Variants in TLL1 observed in about 807,000 individuals in gnomAD.
TLL1 encodes tolloid like 1.
Under a neutral mutation model 128.2 loss-of-function variants are expected in TLL1, and 49 were observed. That is an observed-to-expected ratio of 0.38 (90% CI 0.30 to 0.48). The LOEUF is 0.48. Among genes scored for constraint, TLL1 ranks in the 20% least tolerant of loss-of-function variants. The pLI, the probability that TLL1 is intolerant of heterozygous loss-of-function variation, is 0.96. For missense variants in TLL1, 1,123 were observed against 1,242.0 expected, an observed-to-expected ratio of 0.90 and a Z score of 1.44; for synonymous variants, 454 against 418.8, an observed-to-expected ratio of 1.08 and a Z score of -1.03.
rs542847434 is a variant in TLL1, at chr4:166,102,781, A to G, written c.*1905A>G. On this transcript the variant is annotated 3_prime_UTR_variant, in exon 21 of 21. Transcript: ENST00000061240. Reference sequence around the variant, plus strand: ...AAATGTAAATACATTTTTATAACCAATGTTTTGATCTTATTGAATGTTACT... The same window carrying G: ...AAATGTAAATACATTTTTATAACCAGTGTTTTGATCTTATTGAATGTTACT... The G allele has an allele frequency of 5.6e-4, 85 of 151,988 alleles. No individual in the cohort carries two copies. The highest frequency in any genetic ancestry group is 1.9e-3 in the African/African-American group (79 of 41,536). The allele number at this position is 151,988 out of a possible 1,614,324, so 9.4% of individuals were successfully genotyped here. A position where few individuals can be genotyped will look rare whatever the true frequency, so the allele number is the denominator to read the frequency against.
Position 166,091,134 on chromosome 4 carries a change from A to G in TLL1, c.2449A>G (p.Ser817Gly), listed in dbSNP as rs145928270. 160 of 1,611,594 alleles carry G rather than the reference A, an allele frequency of 9.9e-5. No homozygotes were observed. The African/African-American group carries it at 1.8e-3, about 18-fold the overall frequency. Residue 817 changes from serine to glycine, a missense_variant, in exon 19 of 21, where the codon AGT becomes GGT. By Grantham distance (56) the Ser-to-Gly change is moderately conservative. Coordinates refer to ENST00000061240, the MANE Select transcript of TLL1 (RefSeq NM_012464.5). ...TPGHRIKLAF[S>G]EFEIEQHQEC... ...TTTCTTCTTTTTAAAAAAGGCCTTT[A>G]GTGAATTTGAGATTGAGCAGCATCA... is the stretch of plus-strand genomic sequence containing the variant.
chr4:165,893,457 G>T (rs1731509871), intron 1 of TLL1, among the ~76,000 whole-genome samples: 1 of 152,210 alleles, frequency 6.6e-6, no homozygotes, highest in Non-Finnish European at 1.5e-5. Context: ...AAGAGGTGGA[G>T]CTGGGAATTC....
chr4:165,933,693 A>C (rs1733635090), intron 1 of TLL1, among the ~76,000 whole-genome samples: 1 of 152,088 alleles, frequency 6.6e-6, no homozygotes, highest in Non-Finnish European at 1.5e-5. Context: ...CTTACCTAGA[A>C]TAGCAGCCCT....
chr4:166,020,238 A>C (rs1738157936), intron 8 of TLL1, among the ~76,000 whole-genome samples: 1 of 152,200 alleles, frequency 6.6e-6, no homozygotes, highest in Non-Finnish European at 1.5e-5. Flanking sequence ...CTTTGTCTTT[A>C]TGATGGTTTC....
chr4:165,988,586 G>C (rs1383746372), intron 1 of TLL1, among the ~76,000 whole-genome samples: 1 of 151,996 alleles, frequency 6.6e-6, no homozygotes, highest in Non-Finnish European at 1.5e-5. Flanking sequence ...AGTGAGCCGT[G>C]ATCGCACCAC....
At chr4:166,057,441 A>G (rs1439276436) in intron 14 of TLL1, 132 bp downstream of exon 14, 6 of 1,335,398 alleles carry the variant, frequency 4.5e-6, no homozygotes, top group African/African-American at 1.5e-5. Flanking sequence ...GTAAGACTCA[A>G]TTCACAGTCA....
chr4:166,052,520 C>T (rs1739791355), intron 12 of TLL1, among the ~76,000 whole-genome samples: 1 of 152,176 alleles, frequency 6.6e-6, no homozygotes, highest in African/African-American at 2.4e-5. Context: ...TGGTCTTGAA[C>T]TCCTGACCAT....
chr4:166,053,652 T>G (rs1225504161), intron 12 of TLL1, among the ~76,000 whole-genome samples: 1 of 152,196 alleles, frequency 6.6e-6, no homozygotes, highest in East Asian at 1.9e-4. Context: ...GAAAACATAT[T>G]TTTCTACCAA....
rs35799879 is a variant in TLL1 at position 166,031,363 on chromosome 4, C to CTTTTTT, written c.1158+5950_1158+5955dup. Among the ~76,000 whole-genome samples the CTTTTTT allele has an allele frequency of 6.8e-4, 70 of 102,280 alleles. 1 individual carries two copies. Among genetic ancestry groups the CTTTTTT allele is most frequent in the Middle Eastern group, 0.012 (2 of 170 alleles). 67.1% of individuals were successfully genotyped at this position (102,280 alleles called of 152,430 possible). A position where few individuals can be genotyped will look rare whatever the true frequency, so the allele number is the denominator to read the frequency against. On this transcript the variant is annotated intron_variant, in intron 9 of 20. Transcript: ENST00000061240. ...TTATAAATTATGGCGATTGCAAGGT[C>CTTTTTT]TTTTTTTTTTTTTTTTTTTTTTTGA...
chr4:165,965,003 T>C (rs1232944271), intron 1 of TLL1, among the ~76,000 whole-genome samples: 2 of 152,138 alleles, frequency 1.3e-5, no homozygotes, highest in Non-Finnish European at 2.9e-5. Flanking sequence ...TCTATCTTAA[T>C]TACCCATGTA....
intron 3 of TLL1, among the ~76,000 whole-genome samples, 165 bp from the exon 4 acceptor site, chr4:165,994,216 G>A (rs562093212): frequency 3.9e-5 from 6 of 152,084 alleles, no homozygotes; most frequent in African/African-American, 7.2e-5. Flanking sequence ...TAATGCTTTT[G>A]TTCAAGTATG....
At chr4:166,072,390 CTTCT>C (rs1431530845) in intron 16 of TLL1, among the ~76,000 whole-genome samples, 4 of 151,854 alleles carry the variant, frequency 2.6e-5, no homozygotes, top group Admixed American at 1.3e-4. Context: ...TTTCCTTCCT[CTTCT>C]TTCTTTTCTT....
chr4:166,035,516 AT>A (rs1480232546), intron 9 of TLL1, among the ~76,000 whole-genome samples: 1 of 152,152 alleles, frequency 6.6e-6, no homozygotes, highest in Non-Finnish European at 1.5e-5. Context: ...AGCAGTTAAG[AT>A]TCATTCAACC....
intron 1 of TLL1, among the ~76,000 whole-genome samples, chr4:165,962,323 T>G (rs931570024): frequency 1.3e-5 from 2 of 152,062 alleles, no homozygotes; most frequent in African/African-American, 4.8e-5. Context: ...ATGAAAAAAT[T>G]CTCAACATCA....
At chr4:166,033,417 A>C (rs1738861652) in intron 9 of TLL1, among the ~76,000 whole-genome samples, 1 of 152,196 alleles carries the variant, frequency 6.6e-6, no homozygotes, top group Non-Finnish European at 1.5e-5. Context: ...AATTTATGGA[A>C]GAATATATAA....
At chr4:166,060,858 A>T (rs1402140484) in intron 15 of TLL1, among the ~76,000 whole-genome samples, 1 of 152,178 alleles carries the variant, frequency 6.6e-6, no homozygotes, top group Admixed American at 6.6e-5. Flanking sequence ...TTAGAAAAAC[A>T]TCCTTTGTGT....
chr4:166,035,875 A>T (rs1738973495), intron 9 of TLL1, among the ~76,000 whole-genome samples: 1 of 152,062 alleles, frequency 6.6e-6, no homozygotes, highest in Non-Finnish European at 1.5e-5. Flanking sequence ...GCAGAATTTG[A>T]TCCATGGGTT....
At chr4:166,063,072 A>C (rs1186965848) in intron 15 of TLL1, among the ~76,000 whole-genome samples, 2 of 152,112 alleles carry the variant, frequency 1.3e-5, no homozygotes, top group East Asian at 3.9e-4. Flanking sequence ...AATGGGAGAA[A>C]ATTTTTACAA....
intron 1 of TLL1, among the ~76,000 whole-genome samples, chr4:165,941,329 G>T (rs1366938674): frequency 6.6e-6 from 1 of 152,024 alleles, no homozygotes; most frequent in South Asian, 2.1e-4. Flanking sequence ...AGAATAAATT[G>T]AACTTGTCGT....
Sources: allele counts gnomAD v4.1 joint callset (sites outside exome capture counted in the v4.1 genomes callset), GRCh38; gene constraint gnomAD v4.1.1; transcripts MANE v1.5; gene names NCBI Gene and HGNC (gene_info 2026-07-23, HGNC 2026-07-21).